Variants in VWC2 observed in about 807,000 individuals in gnomAD.
VWC2 encodes von Willebrand factor C domain containing 2, also known as brorin.
A neutral mutation model predicts 29.8 loss-of-function variants in VWC2; 14 were observed. The observed-to-expected ratio is 0.47, with a 90% CI of 0.31 to 0.74. VWC2 has a LOEUF of 0.74. Among genes scored for constraint, VWC2 ranks in the 30% least tolerant of loss-of-function variants. The pLI, the probability that VWC2 is intolerant of heterozygous loss-of-function variation, is 0.05. For synonymous variants in VWC2, 213 were observed against 199.0 expected, an observed-to-expected ratio of 1.07 and a Z score of -0.59; for missense variants, 457 against 459.8, an observed-to-expected ratio of 0.99 and a Z score of 0.05.
intron 3 of VWC2, among the ~76,000 whole-genome samples, chr7:49,875,368 T>TGAAAAA: frequency 7.5e-4 from 1 of 1,342 alleles, no homozygotes; most frequent in Non-Finnish European, 1.3e-3. Context: ...AGATTCTGAC[T>TGAAAAA]CAAAAAAAAA....
intron 2 of VWC2, among the ~76,000 whole-genome samples, chr7:49,776,387 C>T (rs1228908538): frequency 2.0e-5 from 3 of 152,184 alleles, no homozygotes; most frequent in Non-Finnish European, 4.4e-5. Context: ...GCCTATGGCA[C>T]TGAAGGGAAG....
intron 2 of VWC2, among the ~76,000 whole-genome samples, chr7:49,781,175 G>A (rs947826761): frequency 1.3e-5 from 2 of 152,086 alleles, no homozygotes; most frequent in East Asian, 1.9e-4. Context: ...GTTTGTTTTG[G>A]TTCTGAGTAA....
In VWC2 at chr7:49,863,992, G is replaced by A. The variant is rs571308543; in HGVS notation, c.827-48042G>A. 7.2e-5 allele frequency among the ~76,000 whole-genome samples: 11 copies of A among 151,818 alleles called. No individual in the cohort carries two copies. The South Asian group carries it at 2.3e-3, about 32-fold the overall frequency. ...TTTGTTTTAAAATATTTTCCCTTTA[G>A]TTTTGCAAAAATCATATATTGTTTA... On this transcript the variant is annotated intron_variant, in intron 3 of 3. Transcript: ENST00000340652.
chr7:49,845,953 C>A (rs1453599930), intron 3 of VWC2, among the ~76,000 whole-genome samples: 1 of 152,212 alleles, frequency 6.6e-6, no homozygotes, highest in African/African-American at 2.4e-5. Flanking sequence ...ACACCTGCCC[C>A]TGTGGATATT....
intron 3 of VWC2, among the ~76,000 whole-genome samples, chr7:49,890,490 C>A (rs1256511690): frequency 6.6e-6 from 1 of 152,054 alleles, no homozygotes; most frequent in Non-Finnish European, 1.5e-5. Flanking sequence ...GGTTAGCATC[C>A]CTACTGAACT....
At chr7:49,875,157 G>A (rs1466109696) in intron 3 of VWC2, among the ~76,000 whole-genome samples, 1 of 151,736 alleles carries the variant, frequency 6.6e-6, no homozygotes, top group Non-Finnish European at 1.5e-5. Context: ...AGATCACAAG[G>A]TCAGGAGTTC....
At chr7:49,820,278 A>C (rs1789236963) in intron 3 of VWC2, among the ~76,000 whole-genome samples, 1 of 152,146 alleles carries the variant, frequency 6.6e-6, no homozygotes, top group South Asian at 2.1e-4. Flanking sequence ...TCCACACTCC[A>C]GGCACCATGA....
At chr7:49,791,465 G>C (rs1285364512) in intron 2 of VWC2, among the ~76,000 whole-genome samples, 1 of 152,214 alleles carries the variant, frequency 6.6e-6, no homozygotes, top group African/African-American at 2.4e-5. Flanking sequence ...TCTTAGTTTA[G>C]AACATTGCTT....
At chr7:49,788,994 G>A (rs769003178) in intron 2 of VWC2, among the ~76,000 whole-genome samples, 1 of 149,212 alleles carries the variant, frequency 6.7e-6, no homozygotes, top group Non-Finnish European at 1.5e-5. Flanking sequence ...TGTGTGAGGT[G>A]TGGGTGCATG....
chr7:49,804,372 G>A (rs1307080941), intron 3 of VWC2, among the ~76,000 whole-genome samples: 1 of 152,090 alleles, frequency 6.6e-6, no homozygotes, highest in Non-Finnish European at 1.5e-5. Context: ...CCGAGTGAGC[G>A]CCTCTGGTCT....
At chr7:49,805,658 T>C (rs1453688384) in intron 3 of VWC2, among the ~76,000 whole-genome samples, 2 of 152,208 alleles carry the variant, frequency 1.3e-5, no homozygotes, top group Non-Finnish European at 2.9e-5. Context: ...TTTACAGTAG[T>C]CCAACCCTGC....
intron 3 of VWC2, among the ~76,000 whole-genome samples, chr7:49,859,820 ACACACT>A (rs1476622032): frequency 1.4e-5 from 2 of 143,054 alleles, no homozygotes; most frequent in African/African-American, 5.3e-5. Context: ...ACACACACAC[ACACACT>A]CACTCTGCTG....
At chr7:49,802,631 C>T in intron 2 of VWC2, 80 bp from the exon 3 acceptor site, 1 of 1,573,614 alleles carries the variant, frequency 6.4e-7, no homozygotes, top group South Asian at 1.2e-5. Flanking sequence ...GAGCGAGACT[C>T]CATTTCAAAA....
chr7:49,818,723 A>AT (rs1554331870), intron 3 of VWC2, among the ~76,000 whole-genome samples: 1 of 150,996 alleles, frequency 6.6e-6, no homozygotes, highest in Non-Finnish European at 1.5e-5. Flanking sequence ...TGAAGATAAA[A>AT]ATATATATAT....
chr7:49,906,521 A>G (rs963644254), intron 3 of VWC2, among the ~76,000 whole-genome samples: 5 of 152,080 alleles, frequency 3.3e-5, no homozygotes, highest in Non-Finnish European at 2.9e-5. Context: ...TATTTTTACT[A>G]TAGATGGGGT....
At chr7:49,854,184 CGT>C in intron 3 of VWC2, among the ~76,000 whole-genome samples, 1 of 152,166 alleles carries the variant, frequency 6.6e-6, no homozygotes, top group East Asian at 1.9e-4. Context: ...TACATGTGCA[CGT>C]GTCTTTATAG....
At chr7:49,817,151 G>A (rs1048471899) in intron 3 of VWC2, among the ~76,000 whole-genome samples, 17 of 152,236 alleles carry the variant, frequency 1.1e-4, no homozygotes, top group Admixed American at 6.5e-4. Context: ...TCACAGGCAA[G>A]GCCCTCTGTT....
chr7:49,819,771 G>T (rs1789225326), intron 3 of VWC2, among the ~76,000 whole-genome samples: 1 of 152,184 alleles, frequency 6.6e-6, no homozygotes, highest in Non-Finnish European at 1.5e-5. Context: ...CAAATAACTG[G>T]CAGATAGAGA....
At chr7:49,783,122 C>T (rs890349674) in intron 2 of VWC2, among the ~76,000 whole-genome samples, 1 of 152,134 alleles carries the variant, frequency 6.6e-6, no homozygotes, top group African/African-American at 2.4e-5. Context: ...TAAAACATTA[C>T]CTCCTCAGAT....
Sources: gnomAD v4.1 joint callset for allele counts (sites outside exome capture counted in the v4.1 genomes callset) on GRCh38, gnomAD v4.1.1 for gene constraint, MANE v1.5 for transcripts, NCBI Gene and HGNC (gene_info 2026-07-23, HGNC 2026-07-21) for gene names.